TEP1: variants seen among roughly 807,000 people sequenced by gnomAD.
TEP1 encodes telomerase associated protein 1.
Under a neutral mutation model 306.3 loss-of-function variants are expected in TEP1, and 241 were observed. That is an observed-to-expected ratio of 0.79 (90% confidence interval 0.71 to 0.88). The LOEUF (loss-of-function observed/expected upper bound fraction) is 0.88. TEP1 is among the 40% of genes least tolerant of loss of function. TEP1 has a pLI of 0.00. For missense variants in TEP1, 3,051 were observed against 3,276.1 expected, an observed-to-expected ratio of 0.93 and a Z score of 1.68; for synonymous variants, 1,289 against 1,305.5, an observed-to-expected ratio of 0.99 and a Z score of 0.27.
chr14:20,366,819 T>C lies in TEP1; in HGVS notation c.*1618A>G, dbSNP rs1381181843. ...CTTGAATTCTTGGCCACAGAAGACA[T>C]TTCCTTCTTCTTTAACCCTCAGAAA... is the stretch of plus-strand genomic sequence containing the variant. On this transcript the variant is annotated 3_prime_UTR_variant, in exon 55 of 55. Coordinates refer to ENST00000262715, the MANE Select transcript of TEP1 (RefSeq NM_007110.5). 6.6e-6 allele frequency: 1 copy of C among 152,216 alleles called. No homozygotes were observed. Among genetic ancestry groups the C allele is most frequent in the Non-Finnish European group, 1.5e-5 (1 of 68,036 alleles). The allele number at this position is 152,216 out of a possible 1,614,324, so 9.4% of individuals were successfully genotyped here.
chr14:20,382,114 C>G, intron 29 of TEP1, 51 bp from the exon 30 acceptor site: 1 of 1,610,136 alleles, frequency 6.2e-7, no homozygotes, highest in Non-Finnish European at 8.5e-7. Flanking sequence ...GGTGTCCCCG[C>G]CCCCACCACA....
At chr14:20,368,730 G>A in intron 54 of TEP1, 68 bp downstream of exon 54, 2 of 1,542,020 alleles carry the variant, frequency 1.3e-6, no homozygotes, top group Non-Finnish European at 1.8e-6. Flanking sequence ...TTGCTGTCTT[G>A]TGACATCCCT....
At chr14:20,374,609 G>T in intron 43 of TEP1, 73 bp from the exon 44 acceptor site, 1 of 1,085,138 alleles carries the variant, frequency 9.2e-7, no homozygotes, top group Non-Finnish European at 1.3e-6. Flanking sequence ...GTAGTGTAGG[G>T]TGGAAGGCGG....
chr14:20,380,844 C>G, intron 33 of TEP1, 87 bp downstream of exon 33: 2 of 1,166,712 alleles, frequency 1.7e-6, no homozygotes, highest in Non-Finnish European at 2.5e-6. Flanking sequence ...ACACCCACAC[C>G]CCTGCCCCAA....
chr14:20,391,444 T>C (rs1342024517), intron 13 of TEP1, among the ~76,000 whole-genome samples, 155 bp downstream of exon 13: 3 of 152,226 alleles, frequency 2.0e-5, no homozygotes, highest in Non-Finnish European at 4.4e-5. Context: ...GAATTGCCCC[T>C]AGGAACCAAG....
At position 20,406,354 on chromosome 14, in the gene TEP1, AT is replaced by A; in HGVS notation, c.613del (p.Met205CysfsTer6). 1.9e-6 allele frequency: 3 copies of A among 1,612,650 alleles called. No homozygotes were observed. The highest frequency in any genetic ancestry group is 2.5e-6 in the Non-Finnish European group (3 of 1,179,362). Reference protein sequence around the residue: ...SEEKKGAETQMPSYSLSLGEE... With the variant: ...SEEKKGAETQXPSYSLSLGEE... ...TCCCAAGCTCAGACTATAAGAAGGC[AT>A]TTGGGTCTCTGCCCCTTTCTTCTCT... is the stretch of plus-strand genomic sequence containing the variant. On this transcript the variant is annotated frameshift_variant, in exon 3 of 55. Transcript: ENST00000262715. LOFTEE classifies it high-confidence loss of function.
rs1884450063 is a variant in TEP1 at position 20,365,876 on chromosome 14, A to T, written c.*2561T>A. 2 of 152,266 alleles carry T rather than the reference A, an allele frequency of 1.3e-5. No homozygotes were observed. The highest frequency in any genetic ancestry group is 2.4e-5 in the African/African-American group (1 of 41,476). The allele number at this position is 152,266 out of a possible 1,614,324, so 9.4% of individuals were successfully genotyped here. A position where few individuals can be genotyped will look rare whatever the true frequency, so the allele number is the denominator to read the frequency against. ...GGATATATGTGTAAAAATTTGGTAT[A>T]TAAAAAAGATGCTTTTCTAGATGGG... On this transcript the variant is annotated 3_prime_UTR_variant, in exon 55 of 55. Transcript: ENST00000262715.
At chr14:20,396,755 A>AGAATGGAAACTGCC in intron 9 of TEP1, 25 bp from the exon 10 acceptor site, 1 of 1,551,296 alleles carries the variant, frequency 6.4e-7, no homozygotes, top group Non-Finnish European at 8.8e-7. Flanking sequence ...GCATAGAGTG[A>AGAATGGAAACTGCC]GAAAAACAAA....
chr14:20,401,823 G>A lies in TEP1; in HGVS notation c.1267-242C>T, dbSNP rs577393684. ...TTCATTCACACAAGCAGTTAACATG[G>A]GTTGACTGGCTTGTGAGAAACAAGG... On this transcript the variant is annotated intron_variant, in intron 7 of 54. Coordinates refer to ENST00000262715, the MANE Select transcript of TEP1 (RefSeq NM_007110.5). 2.0e-5 allele frequency among the ~76,000 whole-genome samples: 3 copies of A among 152,292 alleles called. No homozygotes were observed. The East Asian group carries it at 5.8e-4, about 29-fold the overall frequency.
intron 49 of TEP1, among the ~76,000 whole-genome samples, chr14:20,372,360 ATATGTGTGTGTGTGTGTGTATG>A (rs1166281091): frequency 7.2e-6 from 1 of 138,152 alleles, no homozygotes; most frequent in Non-Finnish European, 1.6e-5. Context: ...AGCCCCAGGA[ATATGTGTGTGTGTGTGTGTATG>A]TGTGTGTGTG....
intron 36 of TEP1, 55 bp downstream of exon 36, chr14:20,378,926 C>A (rs1390715521): frequency 1.2e-6 from 2 of 1,613,436 alleles, no homozygotes; most frequent in East Asian, 4.5e-5. Context: ...TCTCCTGGGG[C>A]TTCCAAAAAA....
At chr14:20,370,193 C>T (rs1430290706) in intron 51 of TEP1, among the ~76,000 whole-genome samples, 1 of 152,218 alleles carries the variant, frequency 6.6e-6, no homozygotes, top group Non-Finnish European at 1.5e-5. Flanking sequence ...GGATTACAGG[C>T]GTGAGCCACT....
chr14:20,393,089 T>C lies in TEP1; in HGVS notation c.1929-1322A>G, dbSNP rs188831195. 4.6e-3 allele frequency among the ~76,000 whole-genome samples: 693 copies of C among 151,932 alleles called. 2 individuals carry two copies. The highest frequency in any genetic ancestry group is 0.014 in the African/African-American group (598 of 41,478). On this transcript the variant is annotated intron_variant, in intron 12 of 54. Coordinates refer to ENST00000262715, the MANE Select transcript of TEP1 (RefSeq NM_007110.5). Reference sequence around the variant, plus strand: ...AAAATTAGCCGGGCGTGGTGGTGGGTGCCTGCAGTCCCAGCTACTCGGGAG... The same window carrying C: ...AAAATTAGCCGGGCGTGGTGGTGGGCGCCTGCAGTCCCAGCTACTCGGGAG...
At chr14:20,369,234 T>C (rs1236810778) in intron 53 of TEP1, 110 bp downstream of exon 53, 7 of 1,086,852 alleles carry the variant, frequency 6.4e-6, no homozygotes, top group Non-Finnish European at 9.6e-6. Context: ...GGTCTTGATC[T>C]CCTGACCTCA....
rs1373928369 is a variant in TEP1 at position 20,405,524 on chromosome 14, GATGTATTGTTC to G, written c.786_796del (p.Met262IlefsTer2). The G allele has an allele frequency of 6.2e-7, 1 of 1,614,202 alleles. No homozygotes were observed. The highest frequency in any genetic ancestry group is 1.1e-5 in the South Asian group (1 of 91,080). On this transcript the variant is annotated frameshift_variant, in exon 4 of 55. Coordinates refer to ENST00000262715, the MANE Select transcript of TEP1 (RefSeq NM_007110.5). LOFTEE classifies it high-confidence loss of function. ...AAAAATGGCAGCCAGGGTGGGGTCA[GATGTATTGTTC>G]ATGTTTACTTCTGAGACCAGAGTAG...
At chr14:20,399,887 C>T (rs775714724) in intron 9 of TEP1, among the ~76,000 whole-genome samples, 6 of 151,716 alleles carry the variant, frequency 4.0e-5, no homozygotes, top group African/African-American at 4.8e-5. Flanking sequence ...TATGGCTGGG[C>T]GTGGTGGCTC....
chr14:20,375,373 C>T (rs1400391297), intron 43 of TEP1, among the ~76,000 whole-genome samples: 1 of 152,074 alleles, frequency 6.6e-6, no homozygotes, highest in Non-Finnish European at 1.5e-5. Flanking sequence ...TCAGCCTGGT[C>T]TTGAACTCCT....
intron 18 of TEP1, 79 bp from the exon 19 acceptor site, chr14:20,386,702 T>C (rs1481396196): frequency 7.1e-7 from 1 of 1,410,190 alleles, no homozygotes; most frequent in East Asian, 2.6e-5. Context: ...TGATCACCCT[T>C]TAGCACTGAG....
Position 20,379,913 on chromosome 14 carries a change from C to T in TEP1, c.5127+17G>A. The T allele has an allele frequency of 6.2e-7, 1 of 1,603,460 alleles. No individual in the cohort carries two copies. The highest frequency in any genetic ancestry group is 1.1e-5 in the South Asian group (1 of 89,000). ...GATTTTCAGAGGGTAAATTCTGCCC[C>T]TCCTTGATTGTCATACCTGCCAAGT... On this transcript the variant is annotated intron_variant, in intron 35 of 54. Transcript: ENST00000262715.
Sources: gnomAD v4.1 joint callset for allele counts (sites outside exome capture counted in the v4.1 genomes callset) on GRCh38, gnomAD v4.1.1 for gene constraint, MANE v1.5 for transcripts, NCBI Gene and HGNC (gene_info 2026-07-23, HGNC 2026-07-21) for gene names.